The following TMPRSS11A variants were observed in gnomAD, a reference collection of about 807,000 sequenced individuals.
TMPRSS11A encodes the protein transmembrane protease serine 11A.
Under a neutral mutation model 58.9 loss-of-function variants are expected in TMPRSS11A, and 53 were observed. The ratio of observed to expected loss-of-function variants is 0.90; its 90% CI spans 0.72 to 1.13. The LOEUF is 1.13. Ranked by LOEUF, TMPRSS11A falls within the 50% of genes most tolerant of loss-of-function variation. The pLI is 0.00. For missense variants in TMPRSS11A, 493 were observed against 499.3 expected (o/e 0.99, Z 0.12); for synonymous variants, 167 against 169.8 (o/e 0.98, Z 0.13).
chr4:67,944,773 T>C, intron 2 of TMPRSS11A, 136 bp from the exon 3 acceptor site: 1 of 686,364 alleles, frequency 1.5e-6, no homozygotes, highest in Non-Finnish European at 2.4e-6. Flanking sequence ...AAAATAACAG[T>C]TAATGTTTTA....
chr4:67,942,192 G>A (rs1480512025), intron 3 of TMPRSS11A, among the ~76,000 whole-genome samples: 1 of 152,136 alleles, frequency 6.6e-6, no homozygotes, highest in Non-Finnish European at 1.5e-5. Flanking sequence ...ATACATATTA[G>A]GGTGGCAAAT....
intron 5 of TMPRSS11A, among the ~76,000 whole-genome samples, chr4:67,925,378 T>C (rs1240958049): frequency 6.6e-6 from 1 of 152,228 alleles, no homozygotes; most frequent in African/African-American, 2.4e-5. Flanking sequence ...ACTTAGCTTA[T>C]TGAGCAGATG....
At position 67,963,479 on chromosome 4, in the gene TMPRSS11A, A is replaced by G. The variant is rs1721489582; in HGVS notation, c.-86T>C. 9 of 1,433,044 alleles carry G rather than the reference A, an allele frequency of 6.3e-6. No homozygotes were observed. The highest frequency in any genetic ancestry group is 1.2e-5 in the South Asian group (1 of 83,322). The allele number at this position is 1,433,044 out of a possible 1,614,324, so 88.8% of individuals were successfully genotyped here. ...ACTATATGACATCTCTAGATGTATT[A>G]GAAGTCTACGGCTCAAAGAAATAAG... On this transcript the variant is annotated 5_prime_UTR_variant, in exon 1 of 10. Coordinates refer to ENST00000508048, the MANE Select transcript of TMPRSS11A (RefSeq NM_001114387.2).
At chr4:67,961,819 C>A (rs976980812) in intron 1 of TMPRSS11A, among the ~76,000 whole-genome samples, 1 of 151,986 alleles carries the variant, frequency 6.6e-6, no homozygotes, top group Admixed American at 6.6e-5. Context: ...AGCCTGTTTC[C>A]TTTATCAGCA....
chr4:67,942,236 T>A (rs1720897861), intron 3 of TMPRSS11A, among the ~76,000 whole-genome samples: 1 of 152,234 alleles, frequency 6.6e-6, no homozygotes, highest in Admixed American at 6.5e-5. Flanking sequence ...TGCTGTGGAC[T>A]GAATGTTTGT....
chr4:67,916,697 G>A (rs565854261), intron 8 of TMPRSS11A, among the ~76,000 whole-genome samples: 228 of 152,106 alleles, frequency 1.5e-3, no homozygotes, highest in African/African-American at 5.0e-3. Context: ...CATGGTGGTG[G>A]GCGCCTGCAG....
At position 67,919,004 on chromosome 4, in the gene TMPRSS11A, G is replaced by A; in HGVS notation, c.921C>T (p.His307=). The stretch of plus-strand genomic sequence containing the variant: ...AGTAAAGTGCTCCAAATCCTGTGAT[G>A]TGGACAGTCAAATTTGGTTGGAAGG... ...SASFQPNLTV[H]ITGFGALYYG... is the part of the protein sequence containing the mutation. Residue 307 remains histidine (H), a synonymous_variant, in exon 8 of 10, where the codon CAC becomes CAT. Transcript: ENST00000508048. The A allele has an allele frequency of 1.2e-6, 2 of 1,614,126 alleles. No homozygotes were observed. The highest frequency in any genetic ancestry group is 1.3e-5 in the African/African-American group (1 of 75,028).
At chr4:67,954,170 C>T (rs1385254868) in intron 1 of TMPRSS11A, among the ~76,000 whole-genome samples, 1 of 152,006 alleles carries the variant, frequency 6.6e-6, no homozygotes, top group Non-Finnish European at 1.5e-5. Context: ...CATCCTGGTC[C>T]CAGGGACAGA....
intron 5 of TMPRSS11A, among the ~76,000 whole-genome samples, chr4:67,929,435 C>T (rs1477527646): frequency 1.3e-5 from 2 of 152,032 alleles, no homozygotes; most frequent in Admixed American, 1.3e-4. Context: ...TGCCATTTTC[C>T]CAAATGCCCA....
At chr4:67,928,195 T>C (rs353153) in intron 5 of TMPRSS11A, among the ~76,000 whole-genome samples, 30,799 of 152,002 alleles carry the variant, frequency 0.2, 4,582 homozygotes, top group African/African-American at 0.43. Flanking sequence ...CAGGTGCCCG[T>C]CACCAGGCCT....
chr4:67,944,439 T>G, intron 3 of TMPRSS11A, 80 bp downstream of exon 3: 1 of 1,502,518 alleles, frequency 6.7e-7, no homozygotes. Context: ...GAAAATCATG[T>G]TTTTAGAAAT....
chr4:67,934,471 G>A (rs756524403), intron 3 of TMPRSS11A, among the ~76,000 whole-genome samples: 6 of 152,120 alleles, frequency 3.9e-5, no homozygotes, highest in Non-Finnish European at 7.4e-5. Flanking sequence ...TTAAAGTTGT[G>A]TGCCAGGTTG....
intron 7 of TMPRSS11A, among the ~76,000 whole-genome samples, chr4:67,921,273 T>A (rs1720322808): frequency 6.6e-6 from 1 of 152,196 alleles, no homozygotes; most frequent in Non-Finnish European, 1.5e-5. Flanking sequence ...TTCTAATATA[T>A]CAGCTTACTG....
chr4:67,945,298 A>G (rs902981696), intron 2 of TMPRSS11A, among the ~76,000 whole-genome samples: 1 of 152,162 alleles, frequency 6.6e-6, no homozygotes, highest in Non-Finnish European at 1.5e-5. Flanking sequence ...AGTAAGAAAG[A>G]TACAGAGTTA....
chr4:67,910,916 A>G lies in TMPRSS11A; in HGVS notation c.*426T>C, dbSNP rs1719956676. ...ATCTGATTGAATAAGGAAAAAGAAA[A>G]AAAAGTATTTGTGAGCTCGAGAGAA... On this transcript the variant is annotated 3_prime_UTR_variant, in exon 10 of 10. Transcript: ENST00000508048. The G allele has an allele frequency of 6.5e-6, 1 of 152,752 alleles. No homozygotes were observed. The highest frequency in any genetic ancestry group is 2.4e-5 in the African/African-American group (1 of 41,472). 9.5% of individuals were successfully genotyped at this position (152,752 alleles called of 1,614,324 possible).
intron 3 of TMPRSS11A, among the ~76,000 whole-genome samples, chr4:67,939,176 C>T (rs2874063): frequency 3.2e-5 from 1 of 31,294 alleles, no homozygotes; most frequent in African/African-American, 3.5e-4. Flanking sequence ...GTGTGTGTGT[C>T]GCTATTGAAA....
intron 9 of TMPRSS11A, among the ~76,000 whole-genome samples, chr4:67,912,307 TACAC>T (rs1462801646): frequency 1.4e-5 from 2 of 142,660 alleles, no homozygotes; most frequent in Non-Finnish European, 3.1e-5. Context: ...CACACACACA[TACAC>T]ACATACACAT....
chr4:67,930,146 T>C, intron 4 of TMPRSS11A, 106 bp from the exon 5 acceptor site: 1 of 961,586 alleles, frequency 1.0e-6, no homozygotes, highest in South Asian at 2.1e-5. Flanking sequence ...TTGCTGAGAG[T>C]GTCAAGTGCT....
chr4:67,921,194 G>A (rs1720320985), intron 7 of TMPRSS11A, among the ~76,000 whole-genome samples: 2 of 152,102 alleles, frequency 1.3e-5, no homozygotes, highest in African/African-American at 4.8e-5. Flanking sequence ...CACAAAAATG[G>A]CTAACTTTGG....
Sources: allele counts gnomAD v4.1 joint callset (sites outside exome capture counted in the v4.1 genomes callset), GRCh38; gene constraint gnomAD v4.1.1; transcripts MANE v1.5; gene names NCBI Gene and HGNC (gene_info 2026-07-23, HGNC 2026-07-21).